CORIN: variants seen among roughly 807,000 people sequenced by gnomAD.
The protein encoded by CORIN is corin, serine peptidase.
CORIN carries 117 observed loss-of-function variants against 125.3 expected under a neutral mutation model. The ratio of observed to expected loss-of-function variants is 0.93; its 90% CI spans 0.80 to 1.09. The LOEUF is 1.09. Among genes scored for constraint, CORIN ranks in the 50% least tolerant of loss-of-function variants. The pLI, the probability that CORIN is intolerant of heterozygous loss-of-function variation, is 0.00. For missense variants in CORIN, 1,253 were observed against 1,306.7 expected (o/e 0.96, Z 0.63); for synonymous variants, 450 against 466.4 (o/e 0.96, Z 0.45).
Position 47,603,461 on chromosome 4 carries a change from C to T in CORIN, c.2748G>A (p.Pro916=), listed in dbSNP as rs750625096. 17 of 1,614,062 alleles carry T rather than the reference C, an allele frequency of 1.1e-5. No homozygotes were observed. The highest frequency in any genetic ancestry group is 2.7e-5 in the African/African-American group (2 of 74,922). ...GYVRPVCLPN[P]EQWLEPDTYC... ...ACGTGTCAGGCTCTAGCCACTGCTC[C>T]GGGTTGGGCAAGCAGACAGGCCGGA... is the stretch of plus-strand genomic sequence containing the variant. The change falls in exon 20 of 22, where the codon CCG becomes CCA. Residue 916 remains proline, a synonymous_variant. Coordinates refer to ENST00000273857, the MANE Select transcript of CORIN (RefSeq NM_006587.4).
chr4:47,670,066 T>C (rs1474920657), intron 10 of CORIN, among the ~76,000 whole-genome samples: 1 of 152,244 alleles, frequency 6.6e-6, no homozygotes, highest in African/African-American at 2.4e-5. Context: ...TTTTGAATCT[T>C]GCTTATCGCA....
intron 19 of CORIN, among the ~76,000 whole-genome samples, chr4:47,613,629 T>C (rs964723482): frequency 6.6e-6 from 1 of 151,082 alleles, no homozygotes; most frequent in African/African-American, 2.4e-5. Flanking sequence ...TATGCAGCCA[T>C]AAAAAATGAT....
At chr4:47,724,064 C>G (rs1392802086) in intron 5 of CORIN, among the ~76,000 whole-genome samples, 1 of 150,282 alleles carries the variant, frequency 6.7e-6, no homozygotes, top group Non-Finnish European at 1.5e-5. Context: ...AATTAATAGG[C>G]ACCACCCCTG....
intron 2 of CORIN, among the ~76,000 whole-genome samples, chr4:47,800,051 G>C (rs1056707950): frequency 1.3e-5 from 2 of 152,158 alleles, no homozygotes; most frequent in East Asian, 3.8e-4. Flanking sequence ...TACAGTGAAA[G>C]AAAATAGATT....
chr4:47,716,719 T>C (rs1459483665), intron 5 of CORIN, among the ~76,000 whole-genome samples: 1 of 152,156 alleles, frequency 6.6e-6, no homozygotes, highest in African/African-American at 2.4e-5. Context: ...TATAGCTAAA[T>C]CCAGCTACAA....
intron 4 of CORIN, among the ~76,000 whole-genome samples, chr4:47,762,449 G>T (rs747689694): frequency 6.6e-6 from 1 of 152,048 alleles, no homozygotes; most frequent in Non-Finnish European, 1.5e-5. Context: ...ATTTTTTTAA[G>T]TGTATACTTA....
intron 13 of CORIN, among the ~76,000 whole-genome samples, chr4:47,645,728 A>G (rs917314537): frequency 6.6e-6 from 1 of 151,872 alleles, no homozygotes; most frequent in Admixed American, 6.6e-5. Context: ...CATCTCTACT[A>G]AAAAATACAA....
chr4:47,675,264 A>AAT (rs1724963177), intron 9 of CORIN, among the ~76,000 whole-genome samples: 1 of 152,220 alleles, frequency 6.6e-6, no homozygotes, highest in South Asian at 2.1e-4. Flanking sequence ...ACCTTCAGGC[A>AAT]TGTCATCTGG....
intron 19 of CORIN, among the ~76,000 whole-genome samples, chr4:47,606,446 A>G (rs984548937): frequency 5.3e-5 from 8 of 152,058 alleles, no homozygotes; most frequent in African/African-American, 1.9e-4. Context: ...TTTAGTAGAG[A>G]TAAGGTTTTG....
intron 12 of CORIN, among the ~76,000 whole-genome samples, chr4:47,656,489 T>C (rs1341433664): frequency 2.0e-5 from 3 of 152,044 alleles, no homozygotes; most frequent in African/African-American, 7.2e-5. Flanking sequence ...ATGTAACATA[T>C]GCAAATCAAT....
intron 19 of CORIN, among the ~76,000 whole-genome samples, chr4:47,618,057 G>C (rs529362978): frequency 4.3e-4 from 66 of 152,312 alleles, no homozygotes; most frequent in African/African-American, 1.5e-3. Context: ...AATGTGGGCT[G>C]AGCGCAGTGG....
At chr4:47,618,260 G>A (rs1183779188) in intron 19 of CORIN, among the ~76,000 whole-genome samples, 6 of 151,032 alleles carry the variant, frequency 4.0e-5, no homozygotes, top group African/African-American at 1.2e-4. Context: ...CTTGAACTCG[G>A]GAGGCAGAGG....
intron 12 of CORIN, among the ~76,000 whole-genome samples, chr4:47,659,233 T>C (rs1724138198): frequency 6.6e-6 from 1 of 152,222 alleles, no homozygotes; most frequent in Non-Finnish European, 1.5e-5. Context: ...CTTTCCCTCA[T>C]CTTCCTGTCT....
intron 16 of CORIN, among the ~76,000 whole-genome samples, chr4:47,629,785 T>C (rs1374331873): frequency 2.0e-5 from 3 of 152,158 alleles, no homozygotes; most frequent in African/African-American, 2.4e-5. Context: ...CTGTTTTCTA[T>C]ATGACAAGCA....
rs368956061 is a variant in CORIN, at chr4:47,763,516, G to T, written c.480C>A (p.Leu160=). 6.2e-7 allele frequency: 1 copy of T among 1,614,186 alleles called. No homozygotes were observed. Among genetic ancestry groups the T allele is most frequent in the Non-Finnish European group, 8.5e-7 (1 of 1,180,014 alleles). ...CCATTTCCATGTTTCTGACAACTGAGAGGAGAGGTGTCAGCGTGGCGTGGT... is the reference window on the plus strand; with the variant it reads ...CCATTTCCATGTTTCTGACAACTGATAGGAGAGGTGTCAGCGTGGCGTGGT... ...LPYHATLTPL[L]SVVRNMEMEK... The change falls in exon 4 of 22, where the codon CTC becomes CTA. Residue 160 remains leucine, a synonymous_variant. Coordinates refer to ENST00000273857, the MANE Select transcript of CORIN (RefSeq NM_006587.4).
At chr4:47,735,915 C>T (rs13148518) in intron 5 of CORIN, among the ~76,000 whole-genome samples, 25,473 of 143,638 alleles carry the variant, frequency 0.18, 2,872 homozygotes, top group Non-Finnish European at 0.25. Context: ...GACAGAGACT[C>T]CAGCCTGGGC....
intron 1 of CORIN, among the ~76,000 whole-genome samples, chr4:47,809,546 A>G (rs749071314): frequency 1.2e-4 from 18 of 151,874 alleles, no homozygotes; most frequent in Admixed American, 2.6e-4. Context: ...CTGAGATTAT[A>G]GGCACACACC....
intron 19 of CORIN, among the ~76,000 whole-genome samples, chr4:47,618,548 A>G (rs1401169458): frequency 1.3e-5 from 2 of 151,842 alleles, no homozygotes; most frequent in Non-Finnish European, 2.9e-5. Flanking sequence ...GGCTGGGCGC[A>G]GTGGCTCACG....
chr4:47,803,564 G>T (rs1695756084), intron 2 of CORIN, among the ~76,000 whole-genome samples: 1 of 152,054 alleles, frequency 6.6e-6, no homozygotes. Context: ...CACCTACATA[G>T]ACCTCATTTT....
Sources: allele counts gnomAD v4.1 joint callset (sites outside exome capture counted in the v4.1 genomes callset), GRCh38; gene constraint gnomAD v4.1.1; transcripts MANE v1.5; gene names NCBI Gene and HGNC (gene_info 2026-07-23, HGNC 2026-07-21).